Variants in GRIK2 observed in about 807,000 individuals in gnomAD.
The protein encoded by GRIK2 is glutamate ionotropic receptor kainate type subunit 2.
A neutral mutation model predicts 100.3 loss-of-function variants in GRIK2; 32 were observed. The observed-to-expected ratio is 0.32, with a 90% CI of 0.24 to 0.43. GRIK2 has a LOEUF of 0.43. Among genes scored for constraint, GRIK2 ranks in the 20% least tolerant of loss-of-function variants. The probability of loss-of-function intolerance (pLI) is 1.00; values close to 1 mark genes in which losing one functional copy is unlikely to be tolerated. For synonymous variants in GRIK2, 417 were observed against 389.4 expected (o/e 1.07, Z -0.83); for missense variants, 843 against 1,114.9 (o/e 0.76, Z 3.47).
At chr6:101,750,363 T>C (rs1417452777) in intron 7 of GRIK2, among the ~76,000 whole-genome samples, 1 of 152,208 alleles carries the variant, frequency 6.6e-6, no homozygotes. Flanking sequence ...AGCCAGATTT[T>C]GTGATGTGTC....
At chr6:101,632,856 A>G (rs1344417061) in intron 4 of GRIK2, among the ~76,000 whole-genome samples, 1 of 152,092 alleles carries the variant, frequency 6.6e-6, no homozygotes, top group Admixed American at 6.6e-5. Flanking sequence ...TCTCAGGAGA[A>G]GAAGGGCTCA....
At chr6:101,978,073 T>C (rs1283163493) in intron 14 of GRIK2, among the ~76,000 whole-genome samples, 3 of 151,832 alleles carry the variant, frequency 2.0e-5, no homozygotes, top group Non-Finnish European at 2.9e-5. Flanking sequence ...GATAGGAGGT[T>C]TTTTTCTGAG....
intron 8 of GRIK2, 96 bp from the exon 9 acceptor site, chr6:101,802,235 T>C (rs1432669767): frequency 4.5e-6 from 2 of 442,440 alleles, no homozygotes; most frequent in Admixed American, 7.6e-5. Flanking sequence ...CAATGTAAAC[T>C]GAAAAGTAAT....
chr6:101,704,509 C>T (rs1167666580), intron 7 of GRIK2, among the ~76,000 whole-genome samples: 1 of 151,742 alleles, frequency 6.6e-6, no homozygotes, highest in Non-Finnish European at 1.5e-5. Flanking sequence ...CTAATTTATA[C>T]ACTCTCCAAT....
At chr6:101,910,374 G>T (rs1021373672) in intron 12 of GRIK2, among the ~76,000 whole-genome samples, 1 of 150,984 alleles carries the variant, frequency 6.6e-6, no homozygotes, top group African/African-American at 2.4e-5. Flanking sequence ...TGAGTCAATT[G>T]TTACTAATTT....
At chr6:101,586,168 G>T (rs542111149) in intron 2 of GRIK2, among the ~76,000 whole-genome samples, 1 of 151,980 alleles carries the variant, frequency 6.6e-6, no homozygotes, top group South Asian at 2.1e-4. Context: ...TCAGTGTAGG[G>T]CATAAATTTG....
chr6:101,403,820 A>G (rs1465703621), intron 2 of GRIK2, among the ~76,000 whole-genome samples: 2 of 152,192 alleles, frequency 1.3e-5, no homozygotes, highest in African/African-American at 2.4e-5. Context: ...TCTGCAACAG[A>G]TAAAGCCTGA....
intron 14 of GRIK2, among the ~76,000 whole-genome samples, chr6:102,016,347 C>T (rs755896537): frequency 6.6e-6 from 1 of 151,962 alleles, no homozygotes; most frequent in Non-Finnish European, 1.5e-5. Flanking sequence ...TTTTATATTG[C>T]ATTTGCAAGT....
intron 2 of GRIK2, among the ~76,000 whole-genome samples, chr6:101,415,617 G>C (rs1307889302): frequency 2.0e-5 from 3 of 151,854 alleles, no homozygotes; most frequent in Non-Finnish European, 4.4e-5. Flanking sequence ...TGATCCACCC[G>C]CCTCGGCCTC....
intron 7 of GRIK2, among the ~76,000 whole-genome samples, chr6:101,792,856 A>G (rs1779982642): frequency 6.6e-6 from 1 of 152,036 alleles, no homozygotes; most frequent in African/African-American, 2.4e-5. Context: ...AATCAGATGT[A>G]GATTTGGTCT....
intron 16 of GRIK2, 92 bp from the exon 17 acceptor site, chr6:102,068,255 G>C (rs1772114851): frequency 1.1e-6 from 1 of 901,012 alleles, no homozygotes; most frequent in Non-Finnish European, 1.7e-6. Context: ...GATGTTATGT[G>C]ACAAGTCTGT....
At chr6:101,784,116 T>C (rs2399637) in intron 7 of GRIK2, among the ~76,000 whole-genome samples, 62,046 of 151,796 alleles carry the variant, frequency 0.41, 14,922 homozygotes, top group East Asian at 0.85. Flanking sequence ...GCCAAGAAAA[T>C]GGGGAAAATG....
chr6:101,454,999 A>G (rs549622834), intron 2 of GRIK2, among the ~76,000 whole-genome samples: 1 of 152,104 alleles, frequency 6.6e-6, no homozygotes, highest in Non-Finnish European at 1.5e-5. Context: ...CCTGAATTTT[A>G]CCAGCAGTTT....
At chr6:102,033,704 T>A (rs1038429987) in intron 14 of GRIK2, among the ~76,000 whole-genome samples, 1 of 151,340 alleles carries the variant, frequency 6.6e-6, no homozygotes, top group African/African-American at 2.4e-5. Context: ...TCTATCTAAA[T>A]ATATTTTGCC....
intron 4 of GRIK2, among the ~76,000 whole-genome samples, chr6:101,643,835 A>T (rs935191808): frequency 6.6e-6 from 1 of 151,728 alleles, no homozygotes; most frequent in South Asian, 2.1e-4. Context: ...TATTTTTAAA[A>T]CCAAGGAAAT....
chr6:101,431,936 T>C (rs1769430046), intron 2 of GRIK2, among the ~76,000 whole-genome samples: 1 of 152,142 alleles, frequency 6.6e-6, no homozygotes, highest in African/African-American at 2.4e-5. Flanking sequence ...ATGAGATGTG[T>C]TCCCAACAAA....
intron 2 of GRIK2, among the ~76,000 whole-genome samples, chr6:101,413,322 A>G (rs1013156487): frequency 2.6e-5 from 4 of 152,002 alleles, no homozygotes; most frequent in Admixed American, 2.6e-4. Flanking sequence ...AGTTAAATTT[A>G]TTTACCAGAC....
In GRIK2 at chr6:101,859,841, T is replaced by C. The variant is rs1204048692; in HGVS notation, c.1524+348T>C. Among the ~76,000 whole-genome samples the C allele has an allele frequency of 1.3e-5, 2 of 152,210 alleles. 1 individual carries two copies. Among genetic ancestry groups the C allele is most frequent in the Admixed American group, 1.3e-4 (2 of 15,284 alleles). On this transcript the variant is annotated intron_variant, in intron 11 of 16. Transcript: ENST00000369134. ...TTAATTAGCTTTTAAAGGAGTTATA[T>C]ACATTTTTAAACAGAGAGGGAGAAA... is the stretch of plus-strand genomic sequence containing the variant.
intron 2 of GRIK2, among the ~76,000 whole-genome samples, chr6:101,505,124 T>C (rs1308856439): frequency 6.6e-6 from 1 of 152,076 alleles, no homozygotes; most frequent in African/African-American, 2.4e-5. Context: ...TAGTATTTGG[T>C]CAATTTGATA....
Sources: gnomAD v4.1 joint callset for allele counts (sites outside exome capture counted in the v4.1 genomes callset) on GRCh38, gnomAD v4.1.1 for gene constraint, MANE v1.5 for transcripts, NCBI Gene and HGNC (gene_info 2026-07-23, HGNC 2026-07-21) for gene names.